The following ANTXR1 variants were observed in gnomAD, a reference collection of about 807,000 sequenced individuals.
The protein encoded by ANTXR1 is anthrax toxin receptor 1.
Under a neutral mutation model 78.1 loss-of-function variants are expected in ANTXR1, and 19 were observed. The observed-to-expected ratio is 0.24, with a 90% CI of 0.17 to 0.36. The LOEUF (loss-of-function observed/expected upper bound fraction) is 0.36, where lower values mean the gene tolerates loss of function less well. Among genes scored for constraint, ANTXR1 ranks in the 10% least tolerant of loss-of-function variants. The pLI is 1.00. For synonymous variants in ANTXR1, 273 were observed against 260.5 expected, an observed-to-expected ratio of 1.05 and a Z score of -0.46; for missense variants, 518 against 718.6, an observed-to-expected ratio of 0.72 and a Z score of 3.19.
chr2:69,167,645 T>C (rs1673865368), intron 13 of ANTXR1, among the ~76,000 whole-genome samples: 1 of 152,178 alleles, frequency 6.6e-6, no homozygotes, highest in African/African-American at 2.4e-5. Context: ...GGGGCAAGCT[T>C]TCGGTGCATG....
At chr2:69,162,200 T>G (rs4361162) in intron 13 of ANTXR1, among the ~76,000 whole-genome samples, 79,610 of 152,020 alleles carry the variant, frequency 0.52, 21,673 homozygotes, top group East Asian at 0.9. Flanking sequence ...CAGATGGTCA[T>G]CTGACCCTAA....
intron 9 of ANTXR1, among the ~76,000 whole-genome samples, chr2:69,093,422 C>A (rs752747281): frequency 2.6e-5 from 4 of 152,062 alleles, no homozygotes; most frequent in Non-Finnish European, 5.9e-5. Context: ...GTAATTTTAA[C>A]CTCAAAAAGT....
At chr2:69,200,193 A>G (rs1674741121) in intron 17 of ANTXR1, among the ~76,000 whole-genome samples, 1 of 152,122 alleles carries the variant, frequency 6.6e-6, no homozygotes, top group Non-Finnish European at 1.5e-5. Context: ...TTCCATTACT[A>G]TCTGCAAGAA....
intron 17 of ANTXR1, among the ~76,000 whole-genome samples, chr2:69,216,427 A>G (rs909539359): frequency 5.9e-5 from 9 of 152,096 alleles, no homozygotes; most frequent in African/African-American, 1.5e-4. Context: ...ATATACATAC[A>G]TATACACACA....
At chr2:69,163,313 T>TAA (rs74748062) in intron 13 of ANTXR1, among the ~76,000 whole-genome samples, 44,326 of 149,260 alleles carry the variant, frequency 0.3, 6,790 homozygotes, top group South Asian at 0.43. Flanking sequence ...TCTTTTCATG[T>TAA]AAAAAAAAAA....
intron 11 of ANTXR1, 118 bp from the exon 12 acceptor site, chr2:69,124,447 G>T: frequency 1.1e-6 from 1 of 889,756 alleles, no homozygotes; most frequent in African/African-American, 1.6e-5. Flanking sequence ...CTGGAGAAGA[G>T]ACTCCAGTCT....
intron 17 of ANTXR1, among the ~76,000 whole-genome samples, chr2:69,203,486 T>C (rs1674822604): frequency 6.6e-6 from 1 of 152,236 alleles, no homozygotes; most frequent in Non-Finnish European, 1.5e-5. Context: ...CCTGCAAAGT[T>C]AACTTTTTTC....
At chr2:69,196,450 G>T (rs1674669758) in intron 17 of ANTXR1, among the ~76,000 whole-genome samples, 1 of 152,228 alleles carries the variant, frequency 6.6e-6, no homozygotes, top group Non-Finnish European at 1.5e-5. Flanking sequence ...CACAAGAAAG[G>T]TCACAGATGA....
intron 13 of ANTXR1, among the ~76,000 whole-genome samples, chr2:69,157,594 C>T (rs1291861741): frequency 6.6e-6 from 1 of 152,200 alleles, no homozygotes; most frequent in Non-Finnish European, 1.5e-5. Context: ...CCCTCCTTGT[C>T]TTATCTCACT....
chr2:69,169,204 G>A (rs1229363234), intron 13 of ANTXR1, among the ~76,000 whole-genome samples: 1 of 152,268 alleles, frequency 6.6e-6, no homozygotes, highest in Non-Finnish European at 1.5e-5. Flanking sequence ...CCTGTGGGCT[G>A]TGCCCGAGCA....
intron 14 of ANTXR1, among the ~76,000 whole-genome samples, chr2:69,176,265 T>C (rs1674117244): frequency 6.6e-6 from 1 of 152,298 alleles, no homozygotes; most frequent in East Asian, 1.9e-4. Context: ...CTTTAATCAC[T>C]TTGTTTACGT....
At chr2:69,164,065 T>C (rs1260996473) in intron 13 of ANTXR1, among the ~76,000 whole-genome samples, 1 of 152,204 alleles carries the variant, frequency 6.6e-6, no homozygotes, top group Admixed American at 6.5e-5. Flanking sequence ...AGACTGTGCG[T>C]GTAGTTTTCA....
intron 12 of ANTXR1, among the ~76,000 whole-genome samples, chr2:69,144,918 C>T (rs1231334624): frequency 6.6e-6 from 1 of 152,150 alleles, no homozygotes; most frequent in South Asian, 2.1e-4. Flanking sequence ...TGTAGTTACT[C>T]GGACCTATCC....
chr2:69,138,120 GA>G (rs910864191), intron 12 of ANTXR1, among the ~76,000 whole-genome samples: 30 of 148,118 alleles, frequency 2.0e-4, no homozygotes, highest in African/African-American at 4.7e-4. Context: ...AAAGAAAAAA[GA>G]AAAAAAAATT....
intron 12 of ANTXR1, among the ~76,000 whole-genome samples, chr2:69,125,348 C>G (rs1257826171): frequency 6.6e-6 from 1 of 152,142 alleles, no homozygotes; most frequent in Non-Finnish European, 1.5e-5. Flanking sequence ...AGATTGGTGC[C>G]CTGACCGCAT....
At chr2:69,100,148 T>C (rs573140309) in intron 9 of ANTXR1, among the ~76,000 whole-genome samples, 1 of 152,324 alleles carries the variant, frequency 6.6e-6, no homozygotes, top group South Asian at 2.1e-4. Flanking sequence ...GTTCAGGGCT[T>C]TGTAGATTAG....
chr2:69,039,254 T>G (rs1162167288), intron 1 of ANTXR1, among the ~76,000 whole-genome samples: 8 of 152,154 alleles, frequency 5.3e-5, no homozygotes, highest in Non-Finnish European at 1.2e-4. Flanking sequence ...ATGAGCACTA[T>G]GGAAAATATA....
chr2:69,177,668 G>T (rs995690228), intron 14 of ANTXR1, among the ~76,000 whole-genome samples: 1 of 152,098 alleles, frequency 6.6e-6, no homozygotes, highest in Non-Finnish European at 1.5e-5. Flanking sequence ...CGCTTCTTCC[G>T]CGTTATCTCA....
chr2:69,040,784 A>T (rs1437748319), intron 2 of ANTXR1, among the ~76,000 whole-genome samples: 1 of 152,200 alleles, frequency 6.6e-6, no homozygotes, highest in Non-Finnish European at 1.5e-5. Context: ...AATAGCTTTC[A>T]TAGAGTGCTT....
Sources: allele counts gnomAD v4.1 joint callset (sites outside exome capture counted in the v4.1 genomes callset), GRCh38; gene constraint gnomAD v4.1.1; transcripts MANE v1.5; gene names NCBI Gene and HGNC (gene_info 2026-07-23, HGNC 2026-07-21).